ZNF385D: variants seen among roughly 807,000 people sequenced by gnomAD.
ZNF385D encodes zinc finger protein 385D.
A neutral mutation model predicts 35.8 loss-of-function variants in ZNF385D; 15 were observed. The observed-to-expected ratio is 0.42, with a 90% CI of 0.28 to 0.64. The LOEUF is 0.64. Among genes scored for constraint, ZNF385D ranks in the 30% least tolerant of loss-of-function variants. The pLI is 0.23. For synonymous variants in ZNF385D, 212 were observed against 186.8 expected, an observed-to-expected ratio of 1.13 and a Z score of -1.10; for missense variants, 474 against 494.6, an observed-to-expected ratio of 0.96 and a Z score of 0.39.
At chr3:21,855,566 C>G (rs1696662457) in intron 3 of ZNF385D, among the ~76,000 whole-genome samples, 1 of 151,610 alleles carries the variant, frequency 6.6e-6, no homozygotes, top group African/African-American at 2.4e-5. Flanking sequence ...ATTAAAAGTA[C>G]AGTTTTTAGT....
chr3:22,180,488 G>C (rs1402313376), intron 2 of ZNF385D, among the ~76,000 whole-genome samples: 1 of 151,982 alleles, frequency 6.6e-6, no homozygotes, highest in Non-Finnish European at 1.5e-5. Context: ...ACACAAAAAG[G>C]GAATTTTAGA....
chr3:21,978,210 T>G (rs1261335287), intron 3 of ZNF385D: 1 of 152,240 alleles, frequency 6.6e-6, no homozygotes, highest in African/African-American at 2.4e-5. Context: ...ATCTCTTAAT[T>G]CTAGATTCAG....
At position 21,443,778 on chromosome 3, in the gene ZNF385D, T is replaced by G. The variant is rs557838250; in HGVS notation, c.440-6575A>C. ...GGTGACTATACTATTTCTTTCTACC[T>G]TTACATTATTTGAACTAAATTTCCC... is the stretch of plus-strand genomic sequence containing the variant. On this transcript the variant is annotated intron_variant, in intron 4 of 7. Transcript: ENST00000281523. 1.1e-4 allele frequency among the ~76,000 whole-genome samples: 16 copies of G among 152,216 alleles called. No individual in the cohort carries two copies. In the South Asian group the frequency reaches 3.3e-3, roughly 32 times the overall value.
rs192889051 is a variant in ZNF385D, at chr3:22,011,479, C to T, written c.325+157338G>A. Among the ~76,000 whole-genome samples, 29 of 152,114 alleles carry T rather than the reference C, an allele frequency of 1.9e-4. 1 individual carries two copies. The highest frequency in any genetic ancestry group is 1.3e-3 in the Admixed American group (20 of 15,274). ...TAAGCTCAAGGCAAGAAGAGAACAA[C>T]TCTTACTATCATGATATTTAATGGA... is the stretch of plus-strand genomic sequence containing the variant. On this transcript the variant is annotated intron_variant, in intron 3 of 5. Coordinates refer to the ZNF385D transcript ENST00000494108.
At chr3:21,846,323 T>C (rs893782231) in intron 3 of ZNF385D, among the ~76,000 whole-genome samples, 1 of 152,074 alleles carries the variant, frequency 6.6e-6, no homozygotes, top group Non-Finnish European at 1.5e-5. Flanking sequence ...CTTTCAGTGG[T>C]ACAGGCCATA....
intron 3 of ZNF385D, among the ~76,000 whole-genome samples, chr3:21,918,052 GA>G (rs1700276079): frequency 6.6e-6 from 1 of 152,194 alleles, no homozygotes; most frequent in Non-Finnish European, 1.5e-5. Flanking sequence ...CTTAGAGATG[GA>G]GCAGAGTTTT....
At chr3:21,959,137 T>C (rs1702446773) in intron 3 of ZNF385D, among the ~76,000 whole-genome samples, 1 of 152,164 alleles carries the variant, frequency 6.6e-6, no homozygotes, top group South Asian at 2.1e-4. Flanking sequence ...GTATCACAAA[T>C]AACATATAAT....
chr3:21,914,475 C>G (rs999518969), intron 3 of ZNF385D, among the ~76,000 whole-genome samples: 7 of 150,956 alleles, frequency 4.6e-5, no homozygotes, highest in Non-Finnish European at 1.0e-4. Flanking sequence ...GATTGTGTTC[C>G]TACCAAAAGA....
chr3:21,590,188 T>A (rs73137033), intron 2 of ZNF385D, among the ~76,000 whole-genome samples: 6,632 of 152,240 alleles, frequency 0.044, 372 homozygotes, highest in African/African-American at 0.13. Context: ...TGCAGCTAAA[T>A]GTGTCAACAT....
At chr3:21,610,549 T>C (rs770831913) in intron 2 of ZNF385D, among the ~76,000 whole-genome samples, 2 of 151,648 alleles carry the variant, frequency 1.3e-5, no homozygotes, top group African/African-American at 4.8e-5. Flanking sequence ...GGCAGGTGGA[T>C]CATGAGGTCA....
chr3:21,565,394 T>A (rs1339316792), intron 2 of ZNF385D, among the ~76,000 whole-genome samples: 1 of 152,066 alleles, frequency 6.6e-6, no homozygotes, highest in Non-Finnish European at 1.5e-5. Context: ...TAGTGTCCCT[T>A]CACCAGGCTT....
chr3:21,706,583 G>A (rs1001515083), intron 1 of ZNF385D, among the ~76,000 whole-genome samples: 37 of 152,156 alleles, frequency 2.4e-4, no homozygotes, highest in African/African-American at 8.7e-4. Context: ...TCAAACTCAT[G>A]TCTACTTTAT....
intron 3 of ZNF385D, among the ~76,000 whole-genome samples, chr3:22,142,210 T>C (rs1704550162): frequency 1.3e-5 from 2 of 152,212 alleles, no homozygotes; most frequent in South Asian, 4.1e-4. Flanking sequence ...TTCAGTATGT[T>C]CTTTACTAGT....
intron 1 of ZNF385D, among the ~76,000 whole-genome samples, chr3:21,670,513 C>T (rs969535438): frequency 1.3e-5 from 2 of 151,436 alleles, no homozygotes; most frequent in African/African-American, 4.8e-5. Flanking sequence ...GTCCACCGGG[C>T]AAGAGAGGGA....
chr3:22,101,530 G>T (rs1248120322), intron 3 of ZNF385D, among the ~76,000 whole-genome samples: 1 of 152,024 alleles, frequency 6.6e-6, no homozygotes, highest in Non-Finnish European at 1.5e-5. Context: ...TTGCAAAATA[G>T]CATATTATTA....
chr3:22,327,074 A>G (rs1694710390), intron 2 of ZNF385D, among the ~76,000 whole-genome samples: 1 of 152,234 alleles, frequency 6.6e-6, no homozygotes, highest in African/African-American at 2.4e-5. Flanking sequence ...TAAGTACCTT[A>G]AAAAAATGAA....
intron 2 of ZNF385D, among the ~76,000 whole-genome samples, chr3:22,182,795 G>C (rs1313392499): frequency 6.6e-6 from 1 of 151,984 alleles, no homozygotes; most frequent in Non-Finnish European, 1.5e-5. Context: ...AAATAAAAAT[G>C]TACTGCAGGG....
intron 3 of ZNF385D, among the ~76,000 whole-genome samples, chr3:21,798,598 G>A (rs1009592609): frequency 2.0e-5 from 3 of 152,082 alleles, no homozygotes; most frequent in Non-Finnish European, 2.9e-5. Context: ...GATTAACTCA[G>A]CGTCAACTAA....
intron 4 of ZNF385D, among the ~76,000 whole-genome samples, chr3:21,490,972 C>G (rs913879826): frequency 1.8e-5 from 2 of 109,738 alleles, no homozygotes; most frequent in African/African-American, 7.2e-5. Context: ...CTCTGCTAAG[C>G]CAGTTTTCAG....
Sources: allele counts gnomAD v4.1 joint callset (sites outside exome capture counted in the v4.1 genomes callset), GRCh38; gene constraint gnomAD v4.1.1; transcripts MANE v1.5; gene names NCBI Gene and HGNC (gene_info 2026-07-23, HGNC 2026-07-21).